PRKD1: variants seen among roughly 807,000 people sequenced by gnomAD.
PRKD1 encodes the protein serine/threonine-protein kinase D1.
In PRKD1, 63 loss-of-function variants were observed where a neutral mutation model predicts 95.9. That is an observed-to-expected ratio of 0.66 (90% CI 0.54 to 0.81). PRKD1 has a LOEUF of 0.81. Among genes scored for constraint, PRKD1 ranks in the 30% least tolerant of loss-of-function variants. The pLI is 0.00. For synonymous variants in PRKD1, 425 were observed against 423.1 expected (o/e 1.00, Z -0.05); for missense variants, 1,048 against 1,165.3 (o/e 0.90, Z 1.47).
chr14:29,807,959 T>A (rs1023741359), intron 1 of PRKD1, among the ~76,000 whole-genome samples: 1 of 152,034 alleles, frequency 6.6e-6, no homozygotes, highest in Non-Finnish European at 1.5e-5. Context: ...TAGCCTCAAG[T>A]GATTCGCCCG....
chr14:29,830,373 G>T (rs1891354331), intron 1 of PRKD1, among the ~76,000 whole-genome samples: 1 of 152,048 alleles, frequency 6.6e-6, no homozygotes, highest in Admixed American at 6.5e-5. Flanking sequence ...AGTGGAGTTT[G>T]TCTTTGTACA....
chr14:29,642,435 T>C (rs992359846), intron 4 of PRKD1, among the ~76,000 whole-genome samples: 2 of 152,182 alleles, frequency 1.3e-5, no homozygotes, highest in African/African-American at 4.8e-5. Flanking sequence ...CAGAAATTAA[T>C]AGTTTTAAAG....
At chr14:29,637,144 AT>A (rs1880438402) in intron 6 of PRKD1, among the ~76,000 whole-genome samples, 1 of 152,204 alleles carries the variant, frequency 6.6e-6, no homozygotes, top group Non-Finnish European at 1.5e-5. Flanking sequence ...AGCTGCTCAT[AT>A]TTTAGAAGCA....
At chr14:29,667,457 T>A (rs758579165) in intron 2 of PRKD1, among the ~76,000 whole-genome samples, 2 of 152,162 alleles carry the variant, frequency 1.3e-5, no homozygotes, top group Non-Finnish European at 2.9e-5. Flanking sequence ...GTTTAAGAAA[T>A]TGCATATCAC....
intron 16 of PRKD1, among the ~76,000 whole-genome samples, chr14:29,586,254 G>A (rs998304810): frequency 6.6e-6 from 1 of 152,180 alleles, no homozygotes; most frequent in Non-Finnish European, 1.5e-5. Context: ...TCAGTATCTG[G>A]AATGCAGAGA....
At chr14:29,596,218 A>T (rs1454492988) in intron 16 of PRKD1, among the ~76,000 whole-genome samples, 1 of 152,220 alleles carries the variant, frequency 6.6e-6, no homozygotes, top group East Asian at 1.9e-4. Context: ...CGGTTTGTAC[A>T]TTCTTTTCTC....
intron 16 of PRKD1, among the ~76,000 whole-genome samples, chr14:29,587,809 T>G (rs1274055254): frequency 6.6e-6 from 1 of 152,228 alleles, no homozygotes; most frequent in Non-Finnish European, 1.5e-5. Context: ...TCCTTCTTAT[T>G]GTATAAAATA....
At chr14:29,749,168 A>G (rs1237283771) in intron 1 of PRKD1, among the ~76,000 whole-genome samples, 1 of 152,196 alleles carries the variant, frequency 6.6e-6, no homozygotes, top group Non-Finnish European at 1.5e-5. Flanking sequence ...AAGCTTTTGC[A>G]CAACAGGACT....
At chr14:29,597,023 G>A (rs1893331704) in intron 16 of PRKD1, among the ~76,000 whole-genome samples, 1 of 151,996 alleles carries the variant, frequency 6.6e-6, no homozygotes, top group Admixed American at 6.6e-5. Flanking sequence ...CCAGGGGAAT[G>A]GCCAAGTAAA....
intron 12 of PRKD1, 141 bp from the exon 13 acceptor site, chr14:29,624,399 C>CAT (rs149960203): frequency 1.9e-3 from 837 of 438,788 alleles, no homozygotes; most frequent in African/African-American, 0.012. Flanking sequence ...CACTGACTTA[C>CAT]ATATATATAT....
chr14:29,629,346 GGCTTTGCTACTTCACA>G (rs2139106495), intron 10 of PRKD1, among the ~76,000 whole-genome samples: 1 of 152,210 alleles, frequency 6.6e-6, no homozygotes, highest in South Asian at 2.1e-4. Context: ...TTCAAATACT[GGCTTTGCTACTTCACA>G]GCTTTGGTAC....
At chr14:29,775,270 G>A (rs963508049) in intron 1 of PRKD1, among the ~76,000 whole-genome samples, 4 of 152,298 alleles carry the variant, frequency 2.6e-5, no homozygotes, top group African/African-American at 4.8e-5. Context: ...TACCAGGTTC[G>A]TCTCATTGGT....
At chr14:29,814,179 G>A (rs569501312) in intron 1 of PRKD1, among the ~76,000 whole-genome samples, 68 of 152,228 alleles carry the variant, frequency 4.5e-4, no homozygotes, top group African/African-American at 1.6e-3. Context: ...ATTAGAGAAG[G>A]AACCACAAAT....
intron 1 of PRKD1, among the ~76,000 whole-genome samples, chr14:29,754,745 C>G (rs1441671843): frequency 6.6e-6 from 1 of 151,908 alleles, no homozygotes; most frequent in Non-Finnish European, 1.5e-5. Flanking sequence ...GGTATTACAT[C>G]TTAATACTTA....
At chr14:29,643,978 A>G (rs1363410071) in intron 4 of PRKD1, among the ~76,000 whole-genome samples, 3 of 152,214 alleles carry the variant, frequency 2.0e-5, no homozygotes, top group Non-Finnish European at 4.4e-5. Context: ...ATACACGCCA[A>G]CATCTCTTTA....
At chr14:29,850,825 C>T (rs1426960069) in intron 1 of PRKD1, among the ~76,000 whole-genome samples, 1 of 151,516 alleles carries the variant, frequency 6.6e-6, no homozygotes, top group Non-Finnish European at 1.5e-5. Context: ...TGACTTCAAA[C>T]CAAACTACTC....
intron 1 of PRKD1, among the ~76,000 whole-genome samples, chr14:29,739,667 C>T (rs906512671): frequency 6.6e-6 from 1 of 152,128 alleles, no homozygotes; most frequent in South Asian, 2.1e-4. Flanking sequence ...AACTGGAACT[C>T]GCTTAACCTT....
At chr14:29,818,622 A>T (rs1308332927) in intron 1 of PRKD1, among the ~76,000 whole-genome samples, 1 of 151,880 alleles carries the variant, frequency 6.6e-6, no homozygotes, top group Non-Finnish European at 1.5e-5. Context: ...ATTTGAAAAA[A>T]AAAAAAAAGA....
At chr14:29,838,986 C>G (rs920793799) in intron 1 of PRKD1, among the ~76,000 whole-genome samples, 1 of 151,914 alleles carries the variant, frequency 6.6e-6, no homozygotes, top group African/African-American at 2.4e-5. Context: ...CTTAGGGAAA[C>G]AATGCCCAAA....
Sources: allele counts gnomAD v4.1 joint callset (sites outside exome capture counted in the v4.1 genomes callset), GRCh38; gene constraint gnomAD v4.1.1; transcripts MANE v1.5; gene names NCBI Gene and HGNC (gene_info 2026-07-23, HGNC 2026-07-21).